SLF1: variants seen among roughly 807,000 people sequenced by gnomAD.
SLF1 encodes SMC5/6 complex localization factor 1, also known as SMC5-SMC6 complex localization factor protein 1.
In SLF1, 105 loss-of-function variants were observed where a neutral mutation model predicts 123.0. The ratio of observed to expected loss-of-function variants is 0.85; its 90% confidence interval spans 0.73 to 1.00. SLF1 has a LOEUF of 1.00. Among genes scored for constraint, SLF1 ranks in the 50% least tolerant of loss-of-function variants. The pLI is 0.00. For synonymous variants in SLF1, 434 were observed against 406.6 expected, an observed-to-expected ratio of 1.07 and a Z score of -0.81; for missense variants, 1,239 against 1,223.0, an observed-to-expected ratio of 1.01 and a Z score of -0.20.
At chr5:94,656,913 T>A (rs1465580501) in intron 9 of SLF1, among the ~76,000 whole-genome samples, 2 of 150,958 alleles carry the variant, frequency 1.3e-5, no homozygotes, top group African/African-American at 2.4e-5. Flanking sequence ...TTGTTTAACT[T>A]TTAAAAAAAA....
At chr5:94,629,806 A>G (rs530732367) in intron 3 of SLF1, 117 of 152,334 alleles carry the variant, frequency 7.7e-4, no homozygotes, top group African/African-American at 2.5e-3. Context: ...ACAAATGAAA[A>G]CATACATTGT....
intron 9 of SLF1, among the ~76,000 whole-genome samples, chr5:94,656,342 ACTTGATCATAGTGTACTGACT>A (rs1322710149): frequency 1.3e-5 from 2 of 151,798 alleles, no homozygotes; most frequent in African/African-American, 4.8e-5. Context: ...TGATCAATAC[ACTTGATCATAGTGTACTGACT>A]CTTTGCTATG....
At chr5:94,694,711 T>G (rs1753396210) in intron 20 of SLF1, 120 bp from the exon 21 acceptor site, 2 of 1,291,262 alleles carry the variant, frequency 1.5e-6, no homozygotes, top group African/African-American at 3.0e-5. Context: ...TCGACATGAA[T>G]TAATACAAAA....
Position 94,636,710 on chromosome 5 carries a change from A to ATTTTTTTTTTT in SLF1, c.431+5982_431+5992dup, listed in dbSNP as rs140191160. 4.0e-5 allele frequency among the ~76,000 whole-genome samples: 3 copies of ATTTTTTTTTTT among 75,464 alleles called. 1 individual carries two copies. Among genetic ancestry groups the ATTTTTTTTTTT allele is most frequent in the Admixed American group, 1.7e-4 (1 of 5,728 alleles). The allele number at this position is 75,464 out of a possible 152,430, so 49.5% of individuals were successfully genotyped here. ...ATCTGTATGTTCTTGTATTTTACTG[A>ATTTTTTTTTTT]TTTTTTTTTTTTTTTTTTTTTTTTT... On this transcript the variant is annotated intron_variant, in intron 4 of 20. Transcript: ENST00000265140.
At chr5:94,660,379 G>T (rs992610125) in intron 9 of SLF1, among the ~76,000 whole-genome samples, 6 of 152,208 alleles carry the variant, frequency 3.9e-5, no homozygotes, top group African/African-American at 1.2e-4. Flanking sequence ...AGGTAGGCCT[G>T]TTATCAGGCC....
At chr5:94,641,250 G>T (rs761530575) in intron 4 of SLF1, among the ~76,000 whole-genome samples, 1 of 150,510 alleles carries the variant, frequency 6.6e-6, no homozygotes, top group Non-Finnish European at 1.5e-5. Context: ...TGGAAGGTGG[G>T]GCCTTTAAGA....
intron 4 of SLF1, among the ~76,000 whole-genome samples, chr5:94,634,179 C>CTTTATT (rs907775453): frequency 9.2e-5 from 14 of 152,092 alleles, no homozygotes; most frequent in South Asian, 2.1e-4. Context: ...TCAGCTTTTG[C>CTTTATT]TTTATTTATA....
chr5:94,642,342 A>T (rs1746545102), intron 4 of SLF1, among the ~76,000 whole-genome samples: 1 of 152,206 alleles, frequency 6.6e-6, no homozygotes, highest in South Asian at 2.1e-4. Flanking sequence ...CATGCTAGCG[A>T]GGACAGGTTT....
chr5:94,693,535 T>A (rs1159206174), intron 20 of SLF1, among the ~76,000 whole-genome samples: 1 of 151,934 alleles, frequency 6.6e-6, no homozygotes, highest in Non-Finnish European at 1.5e-5. Flanking sequence ...AATCTAATTG[T>A]TTTTGTTTTT....
At chr5:94,629,064 A>G (rs539063488) in intron 2 of SLF1, 28 bp from the exon 3 acceptor site, 4 of 1,518,208 alleles carry the variant, frequency 2.6e-6, no homozygotes, top group African/African-American at 1.4e-5. Flanking sequence ...CTTTAGTAAC[A>G]TTTCTTGATG....
At chr5:94,650,406 A>C (rs1212412100) in intron 6 of SLF1, among the ~76,000 whole-genome samples, 2 of 144,914 alleles carry the variant, frequency 1.4e-5, no homozygotes, top group East Asian at 2.0e-4. Context: ...TGTTTCGCCC[A>C]GGCTGGACTG....
chr5:94,641,854 G>A (rs1561433228), intron 4 of SLF1, among the ~76,000 whole-genome samples: 1 of 152,228 alleles, frequency 6.6e-6, no homozygotes, highest in Non-Finnish European at 1.5e-5. Context: ...CCTTGTACAT[G>A]TAGGCAGTGG....
chr5:94,670,377 C>A, intron 13 of SLF1, 98 bp downstream of exon 13: 1 of 968,320 alleles, frequency 1.0e-6, no homozygotes, highest in Non-Finnish European at 1.4e-6. Context: ...TCTAAAAAGT[C>A]ACCTTATTTT....
intron 15 of SLF1, among the ~76,000 whole-genome samples, chr5:94,686,148 T>C (rs533029410): frequency 6.6e-6 from 1 of 152,354 alleles, no homozygotes; most frequent in South Asian, 2.1e-4. Context: ...AACTCAGTAC[T>C]GATCATTGCA....
Position 94,651,858 on chromosome 5 carries a change from A to C in SLF1, c.882+13A>C. ...ATATGAAAATCAGGTACAACTTTCC[A>C]AATTAAAAATAATTTATTTTTAATA... On this transcript the variant is annotated intron_variant, in intron 7 of 20. Coordinates refer to ENST00000265140, the MANE Select transcript of SLF1 (RefSeq NM_032290.4). 7.7e-7 allele frequency: 1 copy of C among 1,302,820 alleles called. No individual in the cohort carries two copies. The highest frequency in any genetic ancestry group is 1.7e-5 in the South Asian group (1 of 58,172). The allele number at this position is 1,302,820 out of a possible 1,614,324, so 80.7% of individuals were successfully genotyped here.
intron 11 of SLF1, among the ~76,000 whole-genome samples, chr5:94,664,400 T>G (rs1429403119): frequency 6.6e-6 from 1 of 152,162 alleles, no homozygotes; most frequent in Non-Finnish European, 1.5e-5. Flanking sequence ...GCTCAAGTAG[T>G]CCCCCTGCTT....
At chr5:94,658,292 T>C (rs906785467) in intron 9 of SLF1, among the ~76,000 whole-genome samples, 1 of 151,992 alleles carries the variant, frequency 6.6e-6, no homozygotes, top group Non-Finnish European at 1.5e-5. Context: ...TTGTAGGACT[T>C]GCGTAAACAT....
chr5:94,660,636 T>C (rs1373528254), intron 9 of SLF1, among the ~76,000 whole-genome samples: 1 of 152,164 alleles, frequency 6.6e-6, no homozygotes, highest in Admixed American at 6.5e-5. Context: ...GGCTTCCAGA[T>C]GGCGCTTGTG....
At chr5:94,621,256 GCATA>G (rs1321851203) in intron 1 of SLF1, among the ~76,000 whole-genome samples, 1 of 152,106 alleles carries the variant, frequency 6.6e-6, no homozygotes, top group Non-Finnish European at 1.5e-5. Context: ...TGTAGAAAAG[GCATA>G]CAGTTTTTGC....
Sources: allele counts gnomAD v4.1 joint callset (sites outside exome capture counted in the v4.1 genomes callset), GRCh38; gene constraint gnomAD v4.1.1; transcripts MANE v1.5; gene names NCBI Gene and HGNC (gene_info 2026-07-23, HGNC 2026-07-21).